Variants in PLCB1 observed in about 807,000 individuals in gnomAD.
PLCB1 encodes the protein phospholipase C beta 1.
Under a neutral mutation model 161.8 loss-of-function variants are expected in PLCB1, and 46 were observed. The ratio of observed to expected loss-of-function variants is 0.28; its 90% CI spans 0.22 to 0.36. The LOEUF is 0.36. Ranked by LOEUF, PLCB1 falls within the 10% of genes least tolerant of loss-of-function variation. The pLI, the probability that PLCB1 is intolerant of heterozygous loss-of-function variation, is 1.00. For missense variants in PLCB1, 1,016 were observed against 1,472.5 expected (o/e 0.69, Z 5.07); for synonymous variants, 517 against 503.7 (o/e 1.03, Z -0.35).
chr20:8,336,341 G>T (rs985006403), intron 2 of PLCB1, among the ~76,000 whole-genome samples: 3 of 152,060 alleles, frequency 2.0e-5, no homozygotes, highest in African/African-American at 7.2e-5. Flanking sequence ...TGGGATTATG[G>T]CCCATGTATT....
intron 3 of PLCB1, among the ~76,000 whole-genome samples, chr20:8,564,776 A>C (rs1040271905): frequency 1.3e-5 from 2 of 152,246 alleles, no homozygotes; most frequent in African/African-American, 4.8e-5. Flanking sequence ...GCAAATAAAA[A>C]CCACAATGAG....
In PLCB1 at chr20:8,755,907, G is replaced by A. The variant is rs149509137; in HGVS notation, c.2524-1139G>A. Among the ~76,000 whole-genome samples the A allele has an allele frequency of 9.0e-3, 1,369 of 152,344 alleles. 16 individuals carry two copies. Among genetic ancestry groups the A allele is most frequent in the African/African-American group, 0.03 (1,267 of 41,574 alleles). ...ATAACAAGAGTGACCTCAGTCTGAC[G>A]TTGGACAGGGAGTTGCTAGGCAGGT... On this transcript the variant is annotated intron_variant, in intron 23 of 31. Transcript: ENST00000338037.
intron 3 of PLCB1, among the ~76,000 whole-genome samples, chr20:8,547,300 G>T (rs774909439): frequency 6.6e-6 from 1 of 152,078 alleles, no homozygotes; most frequent in African/African-American, 2.4e-5. Flanking sequence ...AACAATTATG[G>T]CATTTTCAGA....
At chr20:8,826,201 G>A (rs1396471890) in intron 31 of PLCB1, among the ~76,000 whole-genome samples, 1 of 152,118 alleles carries the variant, frequency 6.6e-6, no homozygotes, top group Non-Finnish European at 1.5e-5. Context: ...GCATGACAAA[G>A]AAAAGAAGGC....
chr20:8,588,727 G>A (rs1006224902), intron 3 of PLCB1, among the ~76,000 whole-genome samples: 3 of 152,128 alleles, frequency 2.0e-5, no homozygotes, highest in African/African-American at 7.2e-5. Flanking sequence ...TTGACTTCCA[G>A]CCTCCAAAAC....
chr20:8,446,541 G>T (rs1010708874), intron 3 of PLCB1, among the ~76,000 whole-genome samples: 2 of 152,172 alleles, frequency 1.3e-5, no homozygotes, highest in Non-Finnish European at 1.5e-5. Context: ...TCAACATAGT[G>T]TTGGAAGTTC....
At chr20:8,277,750 T>C (rs1190483432) in intron 2 of PLCB1, among the ~76,000 whole-genome samples, 1 of 152,180 alleles carries the variant, frequency 6.6e-6, no homozygotes, top group Non-Finnish European at 1.5e-5. Flanking sequence ...CCTTTAAACA[T>C]ATGAGACTGA....
chr20:8,583,636 A>G (rs1986900726), intron 3 of PLCB1, among the ~76,000 whole-genome samples: 1 of 152,188 alleles, frequency 6.6e-6, no homozygotes, highest in Non-Finnish European at 1.5e-5. Flanking sequence ...GCTTACTGGA[A>G]TATCATTACG....
chr20:8,172,229 T>C (rs933671967), intron 2 of PLCB1, among the ~76,000 whole-genome samples: 3 of 151,844 alleles, frequency 2.0e-5, no homozygotes, highest in Non-Finnish European at 4.4e-5. Flanking sequence ...CCATTGAGAG[T>C]AGTAAGAGTG....
At chr20:8,323,757 T>G (rs1985017658) in intron 2 of PLCB1, among the ~76,000 whole-genome samples, 1 of 152,124 alleles carries the variant, frequency 6.6e-6, no homozygotes, top group South Asian at 2.1e-4. Flanking sequence ...ATTTGCAGAC[T>G]TTTTTTAACC....
At chr20:8,708,510 C>T (rs1234313455) in intron 11 of PLCB1, among the ~76,000 whole-genome samples, 160 bp from the exon 12 acceptor site, 1 of 152,172 alleles carries the variant, frequency 6.6e-6, no homozygotes, top group Non-Finnish European at 1.5e-5. Flanking sequence ...TCAGAATTAG[C>T]ACCGTCCAGC....
At chr20:8,538,321 G>T (rs573884748) in intron 3 of PLCB1, among the ~76,000 whole-genome samples, 1 of 151,934 alleles carries the variant, frequency 6.6e-6, no homozygotes, top group East Asian at 1.9e-4. Flanking sequence ...GCATTATTTT[G>T]CTTTCTTTGT....
intron 2 of PLCB1, among the ~76,000 whole-genome samples, chr20:8,258,461 G>C (rs2743159): frequency 0.099 from 15,109 of 152,094 alleles, 870 homozygotes; most frequent in East Asian, 0.17. Context: ...TGCTCTGGAA[G>C]TGGTGAGCTT....
chr20:8,532,774 A>G (rs75351125), intron 3 of PLCB1, among the ~76,000 whole-genome samples: 11,004 of 152,228 alleles, frequency 0.072, 507 homozygotes, highest in Middle Eastern at 0.11. Flanking sequence ...CTGGAAAGGA[A>G]AAAAGGCAGG....
chr20:8,581,247 G>C (rs956296497), intron 3 of PLCB1, among the ~76,000 whole-genome samples: 61 of 152,120 alleles, frequency 4.0e-4, no homozygotes, highest in African/African-American at 1.4e-3. Flanking sequence ...TATTCATGTA[G>C]CTGAGAACGC....
At chr20:8,570,195 G>A (rs1986460960) in intron 3 of PLCB1, among the ~76,000 whole-genome samples, 1 of 152,088 alleles carries the variant, frequency 6.6e-6, no homozygotes, top group Non-Finnish European at 1.5e-5. Context: ...AATTTCAGAG[G>A]TCATCTTACT....
intron 3 of PLCB1, among the ~76,000 whole-genome samples, chr20:8,435,873 T>C (rs942293433): frequency 2.0e-5 from 3 of 152,196 alleles, no homozygotes; most frequent in Non-Finnish European, 4.4e-5. Flanking sequence ...ATCACTATTG[T>C]GGTTTTGACT....
intron 31 of PLCB1, chr20:8,792,539 C>T (rs974869892): frequency 4.2e-6 from 2 of 470,734 alleles, no homozygotes; most frequent in Non-Finnish European, 8.8e-6. Context: ...TGAAGTGTTT[C>T]TATGAATTTT....
At chr20:8,824,390 C>G (rs1478920303) in intron 31 of PLCB1, among the ~76,000 whole-genome samples, 2 of 138,908 alleles carry the variant, frequency 1.4e-5, no homozygotes, top group African/African-American at 5.0e-5. Flanking sequence ...GTTTAAAATG[C>G]TGGCTGCATG....
Sources: allele counts gnomAD v4.1 joint callset (sites outside exome capture counted in the v4.1 genomes callset), GRCh38; gene constraint gnomAD v4.1.1; transcripts MANE v1.5; gene names NCBI Gene and HGNC (gene_info 2026-07-23, HGNC 2026-07-21).